CNTNAP2: variants seen among roughly 807,000 people sequenced by gnomAD.
CNTNAP2 encodes contactin associated protein 2.
A neutral mutation model predicts 155.2 loss-of-function variants in CNTNAP2; 98 were observed. The ratio of observed to expected loss-of-function variants is 0.63; its 90% CI spans 0.54 to 0.75. CNTNAP2 has a LOEUF of 0.75. Ranked by LOEUF, CNTNAP2 falls within the 30% of genes least tolerant of loss-of-function variation. The pLI is 0.00. For synonymous variants in CNTNAP2, 651 were observed against 631.2 expected, an observed-to-expected ratio of 1.03 and a Z score of -0.47; for missense variants, 1,727 against 1,688.1, an observed-to-expected ratio of 1.02 and a Z score of -0.40.
chr7:147,307,517 G>C (rs902275884), intron 9 of CNTNAP2, among the ~76,000 whole-genome samples: 3 of 152,178 alleles, frequency 2.0e-5, no homozygotes, highest in African/African-American at 7.2e-5. Flanking sequence ...CCAGGAGGCA[G>C]AGGTTGCAGT....
intron 4 of CNTNAP2, among the ~76,000 whole-genome samples, chr7:147,067,410 C>T (rs1467555785): frequency 6.6e-6 from 1 of 151,478 alleles, no homozygotes; most frequent in African/African-American, 2.4e-5. Context: ...CAGATTTCAA[C>T]ATGAATTTTG....
In CNTNAP2 at chr7:147,957,945, TG is replaced by T. The variant is rs200795428; in HGVS notation, c.2256-19916del. Among the ~76,000 whole-genome samples the T allele has an allele frequency of 6.3e-4, 96 of 152,186 alleles. 1 individual carries two copies. The East Asian group carries it at 0.012, about 20-fold the overall frequency. ...TAAAAATTAGCCAGGTGTGGTGTCA[TG>T]CACCTGTGGTCCCAGCTGCTTGGAA... On this transcript the variant is annotated intron_variant, in intron 14 of 23. Transcript: ENST00000361727.
At chr7:147,148,781 C>T (rs1281477893) in intron 8 of CNTNAP2, among the ~76,000 whole-genome samples, 1 of 152,134 alleles carries the variant, frequency 6.6e-6, no homozygotes, top group Non-Finnish European at 1.5e-5. Flanking sequence ...TTCATGGTCT[C>T]ACTGACTTCG....
intron 13 of CNTNAP2, among the ~76,000 whole-genome samples, chr7:147,757,475 T>C (rs916613201): frequency 1.3e-5 from 2 of 152,314 alleles, no homozygotes. Context: ...CTACAGGTGC[T>C]TCATGGCCTG....
chr7:146,495,828 G>A (rs1317845526), intron 1 of CNTNAP2, among the ~76,000 whole-genome samples: 4 of 152,070 alleles, frequency 2.6e-5, no homozygotes, highest in Non-Finnish European at 4.4e-5. Context: ...GTAGGCTTAT[G>A]GGTACAAGTG....
intron 9 of CNTNAP2, among the ~76,000 whole-genome samples, chr7:147,316,593 TTTA>T (rs1339859638): frequency 4.6e-5 from 7 of 152,310 alleles, no homozygotes; most frequent in African/African-American, 1.4e-4. Context: ...TTAAAATCAA[TTTA>T]TTAAGATTTA....
chr7:147,251,434 ATAGGTAGGTAGG>A (rs750487951), intron 8 of CNTNAP2, among the ~76,000 whole-genome samples: 2 of 150,818 alleles, frequency 1.3e-5, no homozygotes, highest in Non-Finnish European at 3.0e-5. Context: ...GTCAAAACAG[ATAGGTAGGTAGG>A]TAGGTAGGTA....
chr7:147,537,829 C>T (rs1031104243), intron 11 of CNTNAP2, among the ~76,000 whole-genome samples: 1 of 152,152 alleles, frequency 6.6e-6, no homozygotes, highest in Non-Finnish European at 1.5e-5. Context: ...GAAAATGGAT[C>T]TATGTAAAAT....
chr7:146,199,684 C>A (rs1798828906), intron 1 of CNTNAP2, among the ~76,000 whole-genome samples: 2 of 152,246 alleles, frequency 1.3e-5, no homozygotes, highest in East Asian at 1.9e-4. Context: ...TTACCCCCAC[C>A]TTTTAAAGGG....
At chr7:147,341,625 G>T (rs993977360) in intron 9 of CNTNAP2, among the ~76,000 whole-genome samples, 16 of 151,880 alleles carry the variant, frequency 1.1e-4, no homozygotes, top group African/African-American at 3.6e-4. Flanking sequence ...TATGAGCTGA[G>T]ACTTTTATTA....
chr7:147,620,772 TA>T (rs1053846279), intron 12 of CNTNAP2, among the ~76,000 whole-genome samples: 4 of 151,948 alleles, frequency 2.6e-5, no homozygotes, highest in African/African-American at 9.7e-5. Flanking sequence ...AAGGGAAATC[TA>T]AGAGTTATTG....
chr7:146,865,748 AGC>A (rs1293171804), intron 3 of CNTNAP2, among the ~76,000 whole-genome samples: 1 of 152,150 alleles, frequency 6.6e-6, no homozygotes, highest in Non-Finnish European at 1.5e-5. Flanking sequence ...AAAAAGTATT[AGC>A]CATAAAAATG....
At chr7:147,560,168 C>CAAACAAAAAAAAAAAAAAAAAAA (rs1800033014) in intron 11 of CNTNAP2, among the ~76,000 whole-genome samples, 1 of 52,828 alleles carries the variant, frequency 1.9e-5, no homozygotes, top group East Asian at 9.6e-4. Context: ...AACTCCGTCT[C>CAAACAAAAAAAAAAAAAAAAAAA]AAAAAAAAAA....
intron 2 of CNTNAP2, among the ~76,000 whole-genome samples, chr7:146,830,994 A>G (rs538164856): frequency 1.3e-5 from 2 of 152,312 alleles, no homozygotes; most frequent in Non-Finnish European, 2.9e-5. Context: ...ACTAGTTTAC[A>G]TTTGCCAGAT....
intron 1 of CNTNAP2, among the ~76,000 whole-genome samples, chr7:146,206,628 G>A (rs1798950850): frequency 6.6e-6 from 1 of 151,892 alleles, no homozygotes; most frequent in African/African-American, 2.4e-5. Context: ...TTTATAAGCA[G>A]TACTTTAAAG....
intron 1 of CNTNAP2, among the ~76,000 whole-genome samples, chr7:146,389,332 A>G (rs1795506937): frequency 6.6e-6 from 1 of 152,108 alleles, no homozygotes; most frequent in Non-Finnish European, 1.5e-5. Flanking sequence ...TCAAAACTGA[A>G]AACTGATGTT....
intron 1 of CNTNAP2, among the ~76,000 whole-genome samples, chr7:146,435,515 C>T (rs796503523): frequency 1.3e-5 from 2 of 152,250 alleles, no homozygotes; most frequent in African/African-American, 4.8e-5. Context: ...TCTAATTTTA[C>T]ATCCGTTAGT....
At chr7:146,455,339 C>T (rs976308841) in intron 1 of CNTNAP2, among the ~76,000 whole-genome samples, 1 of 152,178 alleles carries the variant, frequency 6.6e-6, no homozygotes, top group African/African-American at 2.4e-5. Context: ...TTTTTATTCA[C>T]TGATGTATCC....
intron 3 of CNTNAP2, among the ~76,000 whole-genome samples, chr7:146,939,450 GT>G (rs1008243404): frequency 6.6e-6 from 1 of 152,092 alleles, no homozygotes; most frequent in Non-Finnish European, 1.5e-5. Context: ...AAAACTTCGG[GT>G]TTTTTTATTT....
Sources: gnomAD v4.1 joint callset for allele counts (sites outside exome capture counted in the v4.1 genomes callset) on GRCh38, gnomAD v4.1.1 for gene constraint, MANE v1.5 for transcripts, NCBI Gene and HGNC (gene_info 2026-07-23, HGNC 2026-07-21) for gene names.